CPA6: variants seen among roughly 807,000 people sequenced by gnomAD.
CPA6 encodes the protein carboxypeptidase A6, also known as carboxypeptidase B.
A neutral mutation model predicts 63.3 loss-of-function variants in CPA6; 58 were observed. The observed-to-expected ratio is 0.92, with a 90% CI of 0.74 to 1.14. The LOEUF is 1.14. Ranked by LOEUF, CPA6 falls within the 50% of genes most tolerant of loss-of-function variation. The probability of loss-of-function intolerance (pLI) is 0.00; values close to 1 mark genes in which losing one functional copy is unlikely to be tolerated. For missense variants in CPA6, 565 were observed against 526.6 expected (o/e 1.07, Z -0.71); for synonymous variants, 185 against 179.0 (o/e 1.03, Z -0.27).
chr8:67,697,609 C>T (rs1244405047), intron 1 of CPA6, among the ~76,000 whole-genome samples: 2 of 152,162 alleles, frequency 1.3e-5, no homozygotes, highest in Admixed American at 6.5e-5. Flanking sequence ...AAAAGGCACT[C>T]AGTCTCATCC....
In CPA6 at chr8:67,746,077, C is replaced by G. The variant is rs1334623016; in HGVS notation, c.53G>C (p.Cys18Ser). The G allele has an allele frequency of 6.2e-7, 1 of 1,613,872 alleles. No individual in the cohort carries two copies. The highest frequency in any genetic ancestry group is 8.5e-7 in the Non-Finnish European group (1 of 1,179,842). The change falls in exon 1 of 11, where the codon TGC (cysteine) becomes TCC (serine). Residue 18 changes from cysteine to serine, a missense_variant. Transcript: ENST00000297770. ...TTGCAGAATCTTCAAAAAGAGCCAG[C>G]AAAGAGGCAGGAAAGCAGCTGCCTG... ...RGQAAAFLPLCWLFLKILQPG... is the reference protein window; with the variant it reads ...RGQAAAFLPLSWLFLKILQPG...
chr8:67,448,272 T>C (rs7813730), intron 8 of CPA6, among the ~76,000 whole-genome samples: 37,747 of 152,118 alleles, frequency 0.25, 5,367 homozygotes, highest in African/African-American at 0.39. Flanking sequence ...ATAATTTGTT[T>C]ATTCAATCAT....
chr8:67,581,363 A>C (rs1328547556), intron 2 of CPA6, among the ~76,000 whole-genome samples: 2 of 152,216 alleles, frequency 1.3e-5, no homozygotes, highest in Non-Finnish European at 2.9e-5. Context: ...CGTAATGTAC[A>C]AAGTACATAA....
Position 67,560,969 on chromosome 8 carries a change from A to G in CPA6, c.193-42922T>C, listed in dbSNP as rs550459358. On this transcript the variant is annotated intron_variant, in intron 2 of 10. Transcript: ENST00000297770. ...GGCCTACCCAACCCTGATTATTTGA[A>G]ATCATATTATAAACAAAAATGTTGA... 2.6e-5 allele frequency among the ~76,000 whole-genome samples: 4 copies of G among 152,310 alleles called. No homozygotes were observed. The South Asian group carries it at 8.3e-4, about 32-fold the overall frequency.
chr8:67,632,679 G>C (rs557985485), intron 1 of CPA6, among the ~76,000 whole-genome samples: 5 of 152,074 alleles, frequency 3.3e-5, no homozygotes, highest in Non-Finnish European at 7.4e-5. Context: ...GTTTTTAGTC[G>C]TTCTTTACTA....
chr8:67,640,421 T>C (rs1815564425), intron 1 of CPA6, among the ~76,000 whole-genome samples: 1 of 151,196 alleles, frequency 6.6e-6, no homozygotes. Flanking sequence ...CTGCCCTGAG[T>C]GTGCACACAT....
intron 3 of CPA6, 47 bp downstream of exon 3, chr8:67,517,876 C>A: frequency 1.3e-6 from 2 of 1,527,650 alleles, no homozygotes; most frequent in South Asian, 2.6e-5. Context: ...CCATTTGGTT[C>A]AGTTTAGTAC....
chr8:67,469,098 C>T (rs1025677310), intron 8 of CPA6, among the ~76,000 whole-genome samples: 1 of 152,174 alleles, frequency 6.6e-6, no homozygotes, highest in Non-Finnish European at 1.5e-5. Flanking sequence ...GTATTTATAT[C>T]TATCTATTTC....
At chr8:67,572,927 C>T (rs1346792743) in intron 2 of CPA6, among the ~76,000 whole-genome samples, 3 of 152,200 alleles carry the variant, frequency 2.0e-5, no homozygotes, top group Non-Finnish European at 4.4e-5. Flanking sequence ...AAGGATCAAT[C>T]ACCATCAAGT....
At chr8:67,653,371 C>T (rs1331775877) in intron 1 of CPA6, among the ~76,000 whole-genome samples, 79 of 151,738 alleles carry the variant, frequency 5.2e-4, no homozygotes, top group African/African-American at 1.5e-3. Context: ...TTCCTACCCA[C>T]GAGCATGGAA....
At chr8:67,738,405 G>C (rs2553670) in intron 1 of CPA6, among the ~76,000 whole-genome samples, 1 of 152,254 alleles carries the variant, frequency 6.6e-6, no homozygotes, top group African/African-American at 2.4e-5. Flanking sequence ...TGGCAGAGCT[G>C]CAAGACAGAA....
chr8:67,620,306 T>C (rs1327524819), intron 2 of CPA6, among the ~76,000 whole-genome samples: 1 of 152,202 alleles, frequency 6.6e-6, no homozygotes, highest in Non-Finnish European at 1.5e-5. Flanking sequence ...GTCATTTCCC[T>C]TCTGCCATAT....
At position 67,734,585 on chromosome 8, in the gene CPA6, G is replaced by C. The variant is rs1817778843; in HGVS notation, c.116+11429C>G. On this transcript the variant is annotated intron_variant, in intron 1 of 10. Transcript: ENST00000297770. ...CCATATGTATCCTTTTTTCTGCCCT[G>C]TAAGTCGAGGGCTTAGAATATTTTT... 2.0e-5 allele frequency among the ~76,000 whole-genome samples: 3 copies of C among 152,254 alleles called. No individual in the cohort carries two copies. In the South Asian group the frequency reaches 6.2e-4, roughly 32 times the overall value.
chr8:67,688,835 A>T (rs1816758329), intron 1 of CPA6, among the ~76,000 whole-genome samples: 1 of 152,174 alleles, frequency 6.6e-6, no homozygotes, highest in Non-Finnish European at 1.5e-5. Context: ...TATGCTGCAC[A>T]TTGACAAAAA....
Position 67,553,844 on chromosome 8 carries a change from C to T in CPA6, c.193-35797G>A, listed in dbSNP as rs573306245. ...ACCATGTTTATGCCTAATTTGGGTC[C>T]CCAAAATATTGCTGAAGGAACAATA... is the stretch of plus-strand genomic sequence containing the variant. On this transcript the variant is annotated intron_variant, in intron 2 of 10. Transcript: ENST00000297770. Among the ~76,000 whole-genome samples the T allele has an allele frequency of 4.3e-4, 65 of 152,100 alleles. 1 individual carries two copies. In the South Asian group the frequency reaches 5.0e-3, roughly 12 times the overall value.
At chr8:67,464,917 T>C (rs879262905) in intron 8 of CPA6, among the ~76,000 whole-genome samples, 12 of 152,316 alleles carry the variant, frequency 7.9e-5, no homozygotes, top group Admixed American at 7.2e-4. Flanking sequence ...TGTAGCCTCA[T>C]AGTATAGTTT....
chr8:67,586,391 T>C (rs975826180), intron 2 of CPA6, among the ~76,000 whole-genome samples: 2 of 152,168 alleles, frequency 1.3e-5, no homozygotes, highest in African/African-American at 2.4e-5. Context: ...TCATAGAAGA[T>C]TGTTGGATCA....
chr8:67,704,555 T>C (rs1817092477), intron 1 of CPA6, among the ~76,000 whole-genome samples: 2 of 152,140 alleles, frequency 1.3e-5, no homozygotes, highest in Admixed American at 6.5e-5. Flanking sequence ...CAAGGACAGA[T>C]TACCATTAGA....
intron 1 of CPA6, among the ~76,000 whole-genome samples, chr8:67,668,608 C>A (rs1269757515): frequency 1.3e-5 from 2 of 152,148 alleles, no homozygotes. Flanking sequence ...CCGGTAGGAA[C>A]AAAGGATACC....
Sources: allele counts gnomAD v4.1 joint callset (sites outside exome capture counted in the v4.1 genomes callset), GRCh38; gene constraint gnomAD v4.1.1; transcripts MANE v1.5; gene names NCBI Gene and HGNC (gene_info 2026-07-23, HGNC 2026-07-21).